PEX7: variants seen among roughly 807,000 people sequenced by gnomAD.
PEX7 encodes the protein peroxisomal biogenesis factor 7.
Under a neutral mutation model 47.5 loss-of-function variants are expected in PEX7, and 34 were observed. The ratio of observed to expected loss-of-function variants is 0.72; its 90% CI spans 0.54 to 0.95. PEX7 has a LOEUF of 0.95. PEX7 is among the 40% of genes least tolerant of loss of function. The pLI is 0.00. For synonymous variants in PEX7, 141 were observed against 148.8 expected, an observed-to-expected ratio of 0.95 and a Z score of 0.38; for missense variants, 394 against 400.3, an observed-to-expected ratio of 0.98 and a Z score of 0.13.
At chr6:136,825,099 C>T (rs1774163160) in intron 1 of PEX7, 115 bp from the exon 2 acceptor site, 5 of 867,326 alleles carry the variant, frequency 5.8e-6, no homozygotes, top group East Asian at 5.0e-5. Context: ...GTCCCAAATA[C>T]TTTGGGGAAA....
chr6:136,862,329 T>C (rs1774982093), intron 5 of PEX7, among the ~76,000 whole-genome samples: 1 of 151,728 alleles, frequency 6.6e-6, no homozygotes, highest in East Asian at 1.9e-4. Flanking sequence ...CCACCTGCCT[T>C]AGCCTCCCAA....
chr6:136,882,646 C>T (rs772228899), intron 8 of PEX7, among the ~76,000 whole-genome samples: 1 of 152,078 alleles, frequency 6.6e-6, no homozygotes, highest in Non-Finnish European at 1.5e-5. Context: ...CCTCTTCATT[C>T]CTCCTGTTAT....
intron 5 of PEX7, among the ~76,000 whole-genome samples, chr6:136,848,151 G>A (rs1043185536): frequency 3.9e-5 from 6 of 152,196 alleles, no homozygotes; most frequent in South Asian, 2.1e-4. Context: ...CTTTTTGTCT[G>A]TTATTGGTGT....
At chr6:136,832,463 C>T (rs1774312244) in intron 3 of PEX7, among the ~76,000 whole-genome samples, 1 of 152,202 alleles carries the variant, frequency 6.6e-6, no homozygotes. Flanking sequence ...ATTGTTTTGG[C>T]TATTAATATT....
At chr6:136,835,499 G>T (rs1774369642) in intron 3 of PEX7, among the ~76,000 whole-genome samples, 1 of 151,972 alleles carries the variant, frequency 6.6e-6, no homozygotes, top group Admixed American at 6.6e-5. Flanking sequence ...ATGTTGGCCA[G>T]GCTGGTCTCG....
chr6:136,899,098 T>G (rs76566247), intron 9 of PEX7, among the ~76,000 whole-genome samples: 1 of 148,884 alleles, frequency 6.7e-6, no homozygotes, highest in Non-Finnish European at 1.5e-5. Context: ...TTTTTTTTTT[T>G]GAGACAGAGT....
intron 2 of PEX7, 50 bp downstream of exon 2, chr6:136,825,321 T>A: frequency 7.1e-7 from 1 of 1,411,102 alleles, no homozygotes; most frequent in Non-Finnish European, 1.0e-6. Flanking sequence ...ATTAAAGCCT[T>A]AATAGAATTA....
At chr6:136,841,778 G>T (rs1052248599) in intron 3 of PEX7, among the ~76,000 whole-genome samples, 3 of 151,692 alleles carry the variant, frequency 2.0e-5, no homozygotes, top group Non-Finnish European at 2.9e-5. Context: ...AGAGACGGGG[G>T]TCTCGCCATA....
At chr6:136,832,670 G>C (rs567034381) in intron 3 of PEX7, among the ~76,000 whole-genome samples, 1 of 152,256 alleles carries the variant, frequency 6.6e-6, no homozygotes, top group South Asian at 2.1e-4. Flanking sequence ...AAACAACCGG[G>C]TCACTTCTTG....
intron 5 of PEX7, among the ~76,000 whole-genome samples, chr6:136,856,292 A>G (rs970500478): frequency 3.4e-5 from 3 of 86,962 alleles, no homozygotes; most frequent in Non-Finnish European, 4.7e-5. Context: ...GGTTGAAAGT[A>G]AAAAAAAAAA....
At chr6:136,886,198 C>T (rs1211681398) in intron 8 of PEX7, among the ~76,000 whole-genome samples, 4 of 152,094 alleles carry the variant, frequency 2.6e-5, no homozygotes, top group Non-Finnish European at 5.9e-5. Context: ...AAGAGAAGTA[C>T]GAATTGGGGA....
intron 5 of PEX7, among the ~76,000 whole-genome samples, chr6:136,847,099 T>C (rs1299456441): frequency 2.6e-5 from 4 of 152,374 alleles, no homozygotes; most frequent in African/African-American, 7.2e-5. Context: ...CCAGTGATGA[T>C]GAGCATTTTT....
chr6:136,911,324 C>T, intron 9 of PEX7, among the ~76,000 whole-genome samples: 1 of 152,130 alleles, frequency 6.6e-6, no homozygotes, highest in East Asian at 1.9e-4. Context: ...GTTAGCAATT[C>T]CTCCCTTTGT....
chr6:136,881,064 A>C (rs1442804634), intron 8 of PEX7, among the ~76,000 whole-genome samples: 1 of 152,198 alleles, frequency 6.6e-6, no homozygotes, highest in African/African-American at 2.4e-5. Flanking sequence ...CTGGAGGTTA[A>C]GGCTGTGCAT....
At chr6:136,884,943 C>A (rs149786964) in intron 8 of PEX7, among the ~76,000 whole-genome samples, 3 of 152,116 alleles carry the variant, frequency 2.0e-5, no homozygotes, top group Non-Finnish European at 4.4e-5. Flanking sequence ...ATGTTATCAT[C>A]GTAGATTTTA....
intron 3 of PEX7, among the ~76,000 whole-genome samples, chr6:136,834,828 T>C (rs933224516): frequency 4.6e-5 from 7 of 152,276 alleles, no homozygotes; most frequent in African/African-American, 1.7e-4. Context: ...CTTAATCTGC[T>C]TCTTTAAGTA....
chr6:136,898,132 A>G lies in PEX7; in HGVS notation c.804-10A>G. The G allele has an allele frequency of 6.6e-7, 1 of 1,516,448 alleles. No individual in the cohort carries two copies. The highest frequency in any genetic ancestry group is 9.2e-7 in the Non-Finnish European group (1 of 1,091,064). 93.9% of individuals were successfully genotyped at this position (1,516,448 alleles called of 1,614,324 possible). ...GCATTTAAATTATTCCCTTTTATTT[A>G]TCTTCACAGATTCTGGAACTTTTCA... is the stretch of plus-strand genomic sequence containing the variant. On this transcript the variant is annotated splice_polypyrimidine_tract_variant and intron_variant, in intron 8 of 9. Transcript: ENST00000318471.
chr6:136,861,714 A>G (rs1360157965), intron 5 of PEX7, among the ~76,000 whole-genome samples: 1 of 151,768 alleles, frequency 6.6e-6, no homozygotes. Flanking sequence ...TTTGTTAAAA[A>G]GCATACTCCA....
chr6:136,827,012 A>C (rs1343562951), intron 3 of PEX7, among the ~76,000 whole-genome samples: 1 of 152,202 alleles, frequency 6.6e-6, no homozygotes, highest in Non-Finnish European at 1.5e-5. Flanking sequence ...CTTCAGTTGT[A>C]CTAACATACA....
Sources: allele counts gnomAD v4.1 joint callset (sites outside exome capture counted in the v4.1 genomes callset), GRCh38; gene constraint gnomAD v4.1.1; transcripts MANE v1.5; gene names NCBI Gene and HGNC (gene_info 2026-07-23, HGNC 2026-07-21).